Variants in CHRM3 observed in about 807,000 individuals in gnomAD.
CHRM3 encodes the protein muscarinic acetylcholine receptor M3.
A neutral mutation model predicts 41.8 loss-of-function variants in CHRM3; 11 were observed. That is an observed-to-expected ratio of 0.26 (90% CI 0.17 to 0.44). The LOEUF (loss-of-function observed/expected upper bound fraction) is 0.44, where lower values mean the gene tolerates loss of function less well. Among genes scored for constraint, CHRM3 ranks in the 20% least tolerant of loss-of-function variants. The probability of loss-of-function intolerance (pLI) is 1.00; values close to 1 mark genes in which losing one functional copy is unlikely to be tolerated. For synonymous variants in CHRM3, 297 were observed against 301.4 expected, an observed-to-expected ratio of 0.99 and a Z score of 0.15; for missense variants, 571 against 745.4, an observed-to-expected ratio of 0.77 and a Z score of 2.72.
At chr1:239,540,072 C>G (rs1658604568) in intron 2 of CHRM3, among the ~76,000 whole-genome samples, 1 of 152,116 alleles carries the variant, frequency 6.6e-6, no homozygotes, top group Non-Finnish European at 1.5e-5. Context: ...AGGTGTGTAC[C>G]AGGCTATGCC....
At chr1:239,863,231 C>G (rs1172357294) in intron 6 of CHRM3, among the ~76,000 whole-genome samples, 7 of 152,146 alleles carry the variant, frequency 4.6e-5, no homozygotes, top group Non-Finnish European at 7.4e-5. Flanking sequence ...AAACTTAGGC[C>G]TTGCTACCAT....
chr1:239,706,565 TACAC>T (rs917525181), intron 5 of CHRM3: 23 of 150,278 alleles, frequency 1.5e-4, no homozygotes, highest in African/African-American at 5.4e-4. Context: ...TGTATGTACA[TACAC>T]ACACACAAAG....
At chr1:239,714,037 T>C (rs1662087755) in intron 5 of CHRM3, 1 of 152,166 alleles carries the variant, frequency 6.6e-6, no homozygotes, top group Non-Finnish European at 1.5e-5. Flanking sequence ...AATTAGAAGA[T>C]GTCTCTCAAG....
intron 1 of CHRM3, among the ~76,000 whole-genome samples, chr1:239,491,119 A>G (rs1350827242): frequency 6.6e-6 from 1 of 152,208 alleles, no homozygotes; most frequent in Non-Finnish European, 1.5e-5. Flanking sequence ...ACATTTATAC[A>G]ATGTGTAATG....
At chr1:239,459,946 G>C (rs1665232410) in intron 1 of CHRM3, among the ~76,000 whole-genome samples, 1 of 152,136 alleles carries the variant, frequency 6.6e-6, no homozygotes, top group Non-Finnish European at 1.5e-5. Flanking sequence ...CATTAACTCT[G>C]TGTTAGGCCC....
chr1:239,718,166 A>C (rs966725132), intron 5 of CHRM3, among the ~76,000 whole-genome samples: 2 of 152,050 alleles, frequency 1.3e-5, no homozygotes, highest in African/African-American at 4.8e-5. Context: ...TTGAAATGCA[A>C]CCTACTAGGG....
At chr1:239,409,431 G>A (rs1356307751) in intron 1 of CHRM3, among the ~76,000 whole-genome samples, 1 of 152,160 alleles carries the variant, frequency 6.6e-6, no homozygotes, top group Non-Finnish European at 1.5e-5. Flanking sequence ...CCTAATCCTT[G>A]TTGCACCTGC....
At chr1:239,404,421 A>AGAGAAAGAAAGAAAGAAG (rs1660360547) in intron 1 of CHRM3, among the ~76,000 whole-genome samples, 2 of 94,642 alleles carry the variant, frequency 2.1e-5, no homozygotes, top group African/African-American at 4.5e-5. Context: ...AAAGAAAGAA[A>AGAGAAAGAAAGAAAGAAG]GAAAGAAAGA....
intron 6 of CHRM3, among the ~76,000 whole-genome samples, chr1:239,901,865 A>G (rs965845312): frequency 1.3e-5 from 2 of 152,328 alleles, no homozygotes; most frequent in Admixed American, 6.5e-5. Context: ...TCTAGAGGGT[A>G]GATACCTAGC....
chr1:239,775,294 A>G (rs1668004159), intron 5 of CHRM3, among the ~76,000 whole-genome samples: 1 of 152,080 alleles, frequency 6.6e-6, no homozygotes, highest in African/African-American at 2.4e-5. Context: ...CATTTGGGAA[A>G]CTCAAAGTTC....
intron 4 of CHRM3, among the ~76,000 whole-genome samples, chr1:239,651,212 G>A (rs1672213650): frequency 6.6e-6 from 1 of 152,108 alleles, no homozygotes; most frequent in Admixed American, 6.5e-5. Flanking sequence ...ACAAATTGAT[G>A]CTTAATGATG....
chr1:239,419,335 G>A (rs746356223), intron 1 of CHRM3, among the ~76,000 whole-genome samples: 8 of 143,802 alleles, frequency 5.6e-5, no homozygotes, highest in Admixed American at 3.5e-4. Flanking sequence ...TATTATAGTC[G>A]TTTTATTACT....
chr1:239,547,487 G>C (rs966959583), intron 3 of CHRM3, among the ~76,000 whole-genome samples: 1 of 152,146 alleles, frequency 6.6e-6, no homozygotes, highest in Admixed American at 6.5e-5. Flanking sequence ...ACAGATTTTA[G>C]AATCAGAAAG....
chr1:239,395,529 C>T (rs987948249), intron 1 of CHRM3, among the ~76,000 whole-genome samples: 2 of 152,198 alleles, frequency 1.3e-5, no homozygotes, highest in Non-Finnish European at 1.5e-5. Context: ...TCTCAACCTT[C>T]TTGGCTACTT....
chr1:239,483,285 T>C (rs1386648013), intron 1 of CHRM3, among the ~76,000 whole-genome samples: 1 of 152,232 alleles, frequency 6.6e-6, no homozygotes, highest in Non-Finnish European at 1.5e-5. Flanking sequence ...TAGAAGACTG[T>C]TAAGAAGCTC....
At chr1:239,846,411 A>C (rs1020168792) in intron 6 of CHRM3, among the ~76,000 whole-genome samples, 2 of 152,326 alleles carry the variant, frequency 1.3e-5, no homozygotes, top group Non-Finnish European at 2.9e-5. Context: ...GACTTTATCG[A>C]AATTCAATCA....
chr1:239,843,142 T>C (rs903326087), intron 6 of CHRM3, among the ~76,000 whole-genome samples: 2 of 152,204 alleles, frequency 1.3e-5, no homozygotes, highest in Non-Finnish European at 2.9e-5. Context: ...TTTACTTCGC[T>C]CAAACAAGGG....
intron 3 of CHRM3, among the ~76,000 whole-genome samples, chr1:239,611,175 C>G (rs1046624178): frequency 3.3e-5 from 5 of 152,124 alleles, no homozygotes; most frequent in African/African-American, 1.2e-4. Context: ...TAAATTTGAG[C>G]TGTAACTTTA....
intron 1 of CHRM3, among the ~76,000 whole-genome samples, chr1:239,455,384 C>T (rs539879189): frequency 2.0e-5 from 3 of 151,574 alleles, no homozygotes; most frequent in East Asian, 3.9e-4. Context: ...AATTGTAAAA[C>T]AGCCTCAGGC....
Sources: gnomAD v4.1 joint callset for allele counts (sites outside exome capture counted in the v4.1 genomes callset) on GRCh38, gnomAD v4.1.1 for gene constraint, MANE v1.5 for transcripts, NCBI Gene and HGNC (gene_info 2026-07-23, HGNC 2026-07-21) for gene names.